KIAA1671: variants seen among roughly 807,000 people sequenced by gnomAD.
KIAA1671 encodes KIAA1671, also known as uncharacterized protein KIAA1671.
Under a neutral mutation model 131.2 loss-of-function variants are expected in KIAA1671, and 52 were observed. The ratio of observed to expected loss-of-function variants is 0.40; its 90% CI spans 0.32 to 0.50. KIAA1671 has a LOEUF of 0.50. KIAA1671 is among the 20% of genes least tolerant of loss of function. The pLI is 0.73. For missense variants in KIAA1671, 2,360 were observed against 2,364.2 expected (o/e 1.00, Z 0.04); for synonymous variants, 1,003 against 961.6 (o/e 1.04, Z -0.80).
At chr22:24,979,438 C>T (rs1923111247) in intron 1 of KIAA1671, among the ~76,000 whole-genome samples, 1 of 151,556 alleles carries the variant, frequency 6.6e-6, no homozygotes, top group South Asian at 2.1e-4. Flanking sequence ...CAAGCTCCAC[C>T]TCCCAGGTTC....
chr22:25,146,051 T>C (rs1164322903), intron 6 of KIAA1671, among the ~76,000 whole-genome samples: 1 of 152,238 alleles, frequency 6.6e-6, no homozygotes, highest in Non-Finnish European at 1.5e-5. Context: ...TGCAGTTCTC[T>C]TTAAAACTCA....
rs1367530009 is a variant in KIAA1671 at position 25,039,290 on chromosome 22, G to A, written c.2160G>A (p.Leu720=). 6.4e-6 allele frequency: 10 copies of A among 1,552,118 alleles called. No individual in the cohort carries two copies. The highest frequency in any genetic ancestry group is 4.1e-5 in the African/African-American group (3 of 73,070). ...ATAATAACACCTTCCTCAAACACTT[G>A]GAAAATCCTCCCACATCGCAGAGAA... ...NHNNNTFLKH[L]ENPPTSQRIE... The change falls in exon 5 of 13, where the codon TTG becomes TTA. Residue 720 remains leucine (L), a synonymous_variant. Transcript: ENST00000358431.
At chr22:25,145,491 C>T (rs1050272924) in intron 6 of KIAA1671, among the ~76,000 whole-genome samples, 1 of 152,218 alleles carries the variant, frequency 6.6e-6, no homozygotes, top group African/African-American at 2.4e-5. Context: ...GAAGACTGGG[C>T]CTGGTGATCC....
At chr22:25,147,978 C>T (rs1046576496) in intron 6 of KIAA1671, among the ~76,000 whole-genome samples, 2 of 118,008 alleles carry the variant, frequency 1.7e-5, no homozygotes, top group Non-Finnish European at 3.4e-5. Flanking sequence ...TCCTCCCTTC[C>T]CCTCCCTCCC....
chr22:25,080,833 G>C (rs1405551174), intron 6 of KIAA1671, among the ~76,000 whole-genome samples: 5 of 152,086 alleles, frequency 3.3e-5, no homozygotes, highest in African/African-American at 9.7e-5. Context: ...AATAAAAAGA[G>C]AGCCATGTGG....
chr22:25,142,438 A>G (rs990348931), intron 6 of KIAA1671, among the ~76,000 whole-genome samples: 4 of 152,126 alleles, frequency 2.6e-5, no homozygotes, highest in African/African-American at 9.7e-5. Flanking sequence ...CAACAATTCC[A>G]TGGTCACCAG....
At chr22:25,025,387 C>T (rs1431134267) in intron 1 of KIAA1671, among the ~76,000 whole-genome samples, 3 of 152,298 alleles carry the variant, frequency 2.0e-5, no homozygotes, top group South Asian at 4.1e-4. Context: ...TCTTTGTACA[C>T]ACCGTAGGTG....
chr22:24,998,298 C>T (rs1004276612), intron 1 of KIAA1671, among the ~76,000 whole-genome samples: 2 of 152,000 alleles, frequency 1.3e-5, no homozygotes, highest in Non-Finnish European at 2.9e-5. Context: ...CCTGTAGATC[C>T]GGCTACTTGG....
intron 11 of KIAA1671, chr22:25,185,631 G>GAGGCTCTC (rs16628): frequency 0.44 from 66,985 of 151,546 alleles, 15,451 homozygotes; most frequent in African/African-American, 0.57. Flanking sequence ...TGCCCCCCAA[G>GAGGCTCTC]AGGCTCTCAG....
chr22:25,145,121 C>T (rs895475044), intron 6 of KIAA1671, among the ~76,000 whole-genome samples: 1 of 152,226 alleles, frequency 6.6e-6, no homozygotes, highest in African/African-American at 2.4e-5. Context: ...CTGACAGCCA[C>T]AGGGCCAGCC....
chr22:24,976,096 A>G (rs1922896454), intron 1 of KIAA1671, among the ~76,000 whole-genome samples: 1 of 151,616 alleles, frequency 6.6e-6, no homozygotes, highest in Non-Finnish European at 1.5e-5. Context: ...TGGTCTTCCC[A>G]CTCCCCACCC....
chr22:25,031,487 C>T (rs1415283637), intron 3 of KIAA1671, among the ~76,000 whole-genome samples: 4 of 152,140 alleles, frequency 2.6e-5, no homozygotes, highest in African/African-American at 4.8e-5. Context: ...TGAGCCACCA[C>T]GCCCGGCCTA....
intron 10 of KIAA1671, 141 bp from the exon 11 acceptor site, chr22:25,184,836 C>A (rs1934415552): frequency 3.4e-6 from 3 of 874,632 alleles, no homozygotes; most frequent in South Asian, 1.6e-5. Flanking sequence ...TTCTCAGCCC[C>A]CATGTTTCCT....
At chr22:25,096,743 T>G (rs141677338) in intron 6 of KIAA1671, among the ~76,000 whole-genome samples, 168 of 152,348 alleles carry the variant, frequency 1.1e-3, no homozygotes, top group African/African-American at 3.6e-3. Flanking sequence ...CCACACTCCC[T>G]GAGGCCTGCT....
rs1174871201 is a variant in KIAA1671 at position 25,127,403 on chromosome 22, C to G, written c.4531-43417C>G. 3.3e-5 allele frequency among the ~76,000 whole-genome samples: 5 copies of G among 152,292 alleles called. No homozygotes were observed. The East Asian group carries it at 7.7e-4, about 23-fold the overall frequency. On this transcript the variant is annotated intron_variant, in intron 6 of 12. Transcript: ENST00000358431. The stretch of plus-strand genomic sequence containing the variant: ...CCTCTTCTTCAAATGGTGCCATTTT[C>G]TCTCCAGAGTGACCCCCAGCCTCGA...
intron 1 of KIAA1671, among the ~76,000 whole-genome samples, chr22:25,009,466 T>C (rs1924918226): frequency 6.6e-6 from 1 of 151,776 alleles, no homozygotes. Flanking sequence ...GGTTTCGCTA[T>C]GTTGGCCAGG....
intron 4 of KIAA1671, among the ~76,000 whole-genome samples, chr22:25,038,348 C>T (rs1048560275): frequency 3.9e-5 from 6 of 152,186 alleles, no homozygotes; most frequent in Non-Finnish European, 8.8e-5. Context: ...AGTAGTCCAT[C>T]GTTTGGAGAT....
chr22:25,089,566 A>C (rs62233187), intron 6 of KIAA1671, among the ~76,000 whole-genome samples: 12,126 of 151,966 alleles, frequency 0.08, 572 homozygotes, highest in Middle Eastern at 0.1. Flanking sequence ...AAGCCACCGC[A>C]CCCGGCCATG....
chr22:25,174,745 G>A, intron 8 of KIAA1671: 1 of 410,078 alleles, frequency 2.4e-6, no homozygotes, highest in Non-Finnish European at 4.3e-6. Flanking sequence ...CAGCTCCACA[G>A]CCTCAAATAC....
Sources: gnomAD v4.1 joint callset for allele counts (sites outside exome capture counted in the v4.1 genomes callset) on GRCh38, gnomAD v4.1.1 for gene constraint, MANE v1.5 for transcripts, NCBI Gene and HGNC (gene_info 2026-07-23, HGNC 2026-07-21) for gene names.